Variants in THBS4 observed in about 807,000 individuals in gnomAD.
THBS4 encodes thrombospondin-4.
Under a neutral mutation model 115.7 loss-of-function variants are expected in THBS4, and 90 were observed. The observed-to-expected ratio is 0.78, with a 90% CI of 0.66 to 0.93. The LOEUF is 0.93. THBS4 is among the 40% of genes least tolerant of loss of function. The pLI, the probability that THBS4 is intolerant of heterozygous loss-of-function variation, is 0.00. For missense variants in THBS4, 1,087 were observed against 1,232.7 expected (o/e 0.88, Z 1.77); for synonymous variants, 460 against 479.3 (o/e 0.96, Z 0.53).
At position 80,007,387 on chromosome 5, in the gene THBS4, A is replaced by G. The variant is rs114115875; in HGVS notation, n.177+8960A>G. ...CTATCTGTGGTCTGCGGGCCTTCAAAGGGCAGCCTTTGTGTTGCCCAAAGC... is the reference window on the plus strand; with the variant it reads ...CTATCTGTGGTCTGCGGGCCTTCAAGGGGCAGCCTTTGTGTTGCCCAAAGC... On this transcript the variant is annotated intron_variant and non_coding_transcript_variant, in intron 2 of 3. Transcript: ENST00000510218. Among the ~76,000 whole-genome samples, 769 of 152,296 alleles carry G rather than the reference A, an allele frequency of 5.0e-3. 4 individuals are homozygous for G. Among genetic ancestry groups the G allele is most frequent in the African/African-American group, 0.018 (732 of 41,572 alleles).
At chr5:80,063,095 T>C (rs968512029) in intron 8 of THBS4, among the ~76,000 whole-genome samples, 1 of 152,234 alleles carries the variant, frequency 6.6e-6, no homozygotes, top group Non-Finnish European at 1.5e-5. Context: ...TTCTAGATCC[T>C]TGAGGAATCG....
At position 80,082,630 on chromosome 5, in the gene THBS4, C is replaced by CG. The variant is rs200637666; in HGVS notation, c.2824+85_2824+86insG. The CG allele has an allele frequency of 6.5e-6, 10 of 1,538,016 alleles. No homozygotes were observed. The East Asian group carries it at 9.0e-5, about 14-fold the overall frequency. On this transcript the variant is annotated intron_variant, in intron 21 of 21. Transcript: ENST00000350881. ...CTTATTTTTATACCGCACTTCCCCC[C>CG]CAAAAGCCCAACGCTCATACCACAT...
intron 2 of THBS4, among the ~76,000 whole-genome samples, chr5:80,046,705 A>G (rs1042443080): frequency 6.6e-6 from 1 of 152,180 alleles, no homozygotes; most frequent in African/African-American, 2.4e-5. Flanking sequence ...CGCTTATTAT[A>G]CCTTTCTAAA....
chr5:80,006,505 C>G (rs1389721058), intron 2 of THBS4, among the ~76,000 whole-genome samples: 1 of 152,158 alleles, frequency 6.6e-6, no homozygotes, highest in East Asian at 1.9e-4. Context: ...CCAATTAAAC[C>G]TCTTTGTTTT....
intron 2 of THBS4, among the ~76,000 whole-genome samples, chr5:80,008,962 G>A (rs1027256964): frequency 6.6e-6 from 1 of 152,346 alleles, no homozygotes; most frequent in Admixed American, 6.5e-5. Context: ...CATATTTTAT[G>A]TAGCCTTTAT....
At chr5:80,020,269 G>A (rs1347328862) in intron 2 of THBS4, among the ~76,000 whole-genome samples, 4 of 152,096 alleles carry the variant, frequency 2.6e-5, no homozygotes, top group Admixed American at 6.5e-5. Flanking sequence ...TCAGGAGATC[G>A]AGACCATCCT....
chr5:80,078,021 G>A, intron 16 of THBS4, 28 bp from the exon 17 acceptor site: 1 of 1,540,606 alleles, frequency 6.5e-7, no homozygotes, highest in Non-Finnish European at 8.8e-7. Flanking sequence ...GCGCTATTGA[G>A]CTCCTGTCCT....
In THBS4 at chr5:80,059,409, C is replaced by G. The variant is rs756317274; in HGVS notation, c.733-31C>G. On this transcript the variant is annotated intron_variant, in intron 5 of 21. Transcript: ENST00000350881. Reference sequence around the variant, plus strand: ...CTGGATGATATCAGGCATTCCTTTTCAATCCTTTTTTCCCCTTCTCATTTT... The same window carrying G: ...CTGGATGATATCAGGCATTCCTTTTGAATCCTTTTTTCCCCTTCTCATTTT... 2.5e-6 allele frequency: 4 copies of G among 1,605,750 alleles called. No individual in the cohort carries two copies. In the Admixed American group the frequency reaches 6.7e-5, roughly 27 times the overall value.
At chr5:79,997,438 A>G (rs1156355729) in intron 1 of THBS4, among the ~76,000 whole-genome samples, 1 of 152,104 alleles carries the variant, frequency 6.6e-6, no homozygotes, top group Non-Finnish European at 1.5e-5. Flanking sequence ...TGATAAATGG[A>G]TCAGTCCACA....
At position 80,035,378 on chromosome 5, in the gene THBS4, G is replaced by T. The variant is rs1233944342; in HGVS notation, c.-160G>T. 4.6e-5 allele frequency: 12 copies of T among 262,424 alleles called. No individual in the cohort carries two copies. The highest frequency in any genetic ancestry group is 1.7e-4 in the Admixed American group (3 of 17,666). 16.3% of individuals were successfully genotyped at this position (262,424 alleles called of 1,614,324 possible). On this transcript the variant is annotated 5_prime_UTR_variant, in exon 1 of 22. Coordinates refer to ENST00000350881, the MANE Select transcript of THBS4 (RefSeq NM_003248.6). The surrounding 1 kb of genome is among the most constrained non-coding windows in gnomAD (Gnocchi z 4.6). Reference sequence around the variant, plus strand: ...CCAGCTCCCCAGCACCGCACGGCGGGGACGCGAGCGCGCCCCCGACGGCAG... The same window carrying T: ...CCAGCTCCCCAGCACCGCACGGCGGTGACGCGAGCGCGCCCCCGACGGCAG...
chr5:80,005,132 G>C (rs1831989629), intron 2 of THBS4, among the ~76,000 whole-genome samples: 1 of 152,194 alleles, frequency 6.6e-6, no homozygotes, highest in African/African-American at 2.4e-5. Flanking sequence ...CGGAAAAGTT[G>C]CCCTTGATAT....
intron 2 of THBS4, among the ~76,000 whole-genome samples, chr5:80,017,845 T>G (rs1832280870): frequency 6.6e-6 from 1 of 152,200 alleles, no homozygotes; most frequent in Admixed American, 6.5e-5. Context: ...AACGATCTTT[T>G]TACTAATCGT....
chr5:80,063,070 A>T (rs1370135108), intron 8 of THBS4, among the ~76,000 whole-genome samples: 1 of 152,216 alleles, frequency 6.6e-6, no homozygotes, highest in Non-Finnish European at 1.5e-5. Context: ...TGGCTGGGTC[A>T]AATCGTATTT....
chr5:80,079,691 C>T (rs1037761263), intron 19 of THBS4, among the ~76,000 whole-genome samples: 5 of 152,174 alleles, frequency 3.3e-5, no homozygotes, highest in African/African-American at 1.2e-4. Flanking sequence ...CAGGAACAAA[C>T]ATGGAATGTG....
At chr5:80,067,835 A>G in intron 9 of THBS4, 138 bp from the exon 10 acceptor site, 2 of 940,272 alleles carry the variant, frequency 2.1e-6, no homozygotes, top group Non-Finnish European at 3.1e-6. Context: ...ATGTAAGCAA[A>G]GAAGAAGGCA....
chr5:80,070,776 T>C lies in THBS4; in HGVS notation c.1560+26T>C, dbSNP rs775816461. 3 of 1,609,060 alleles carry C rather than the reference T, an allele frequency of 1.9e-6. No homozygotes were observed. In the East Asian group the frequency reaches 6.7e-5, roughly 36 times the overall value. ...GTACCTGCTTCGCTGGGAGGGCCTG[T>C]GAATTGCCACGTACCAGGGATGATG... On this transcript the variant is annotated intron_variant, in intron 12 of 21. Transcript: ENST00000350881.
intron 2 of THBS4, among the ~76,000 whole-genome samples, chr5:80,029,755 T>C (rs2434312): frequency 0.54 from 81,639 of 150,480 alleles, 22,572 homozygotes; most frequent in African/African-American, 0.64. Flanking sequence ...GTCAGGAGAT[T>C]GAGACCATCC....
chr5:80,018,899 C>G (rs1372440276), intron 2 of THBS4, among the ~76,000 whole-genome samples: 1 of 151,970 alleles, frequency 6.6e-6, no homozygotes, highest in Non-Finnish European at 1.5e-5. Context: ...TATACTTTGT[C>G]TTTGTGTGTT....
chr5:80,075,890 C>A (rs1277855524), intron 15 of THBS4: 1 of 152,270 alleles, frequency 6.6e-6, no homozygotes, highest in African/African-American at 2.4e-5. Context: ...CCTTTCTGTC[C>A]CCCTGTACCA....
Sources: allele counts gnomAD v4.1 joint callset (sites outside exome capture counted in the v4.1 genomes callset), GRCh38; gene constraint gnomAD v4.1.1; non-coding constraint Gnocchi (gnomAD v3.1); transcripts MANE v1.5; gene names NCBI Gene and HGNC (gene_info 2026-07-23, HGNC 2026-07-21).